JPH3: variants seen among roughly 807,000 people sequenced by gnomAD.
JPH3 encodes the protein junctophilin-3.
Under a neutral mutation model 59.6 loss-of-function variants are expected in JPH3, and 11 were observed. The observed-to-expected ratio is 0.18, with a 90% CI of 0.12 to 0.31. The LOEUF (loss-of-function observed/expected upper bound fraction) is 0.31, where lower values mean the gene tolerates loss of function less well. JPH3 is among the 10% of genes least tolerant of loss of function. The pLI, the probability that JPH3 is intolerant of heterozygous loss-of-function variation, is 1.00. For missense variants in JPH3, 1,202 were observed against 1,105.7 expected, an observed-to-expected ratio of 1.09 and a Z score of -1.24; for synonymous variants, 673 against 483.6, an observed-to-expected ratio of 1.39 and a Z score of -5.14.
intron 2 of JPH3, among the ~76,000 whole-genome samples, chr16:87,648,593 C>T (rs988487844): frequency 3.9e-5 from 6 of 152,006 alleles, no homozygotes; most frequent in Non-Finnish European, 5.9e-5. Context: ...TCCTGGAAAA[C>T]GGGGCGGGAG....
chr16:87,673,035 A>G (rs538764348), intron 2 of JPH3, among the ~76,000 whole-genome samples: 4 of 152,256 alleles, frequency 2.6e-5, no homozygotes, highest in African/African-American at 9.6e-5. Flanking sequence ...AATCCCGGCT[A>G]CTTGGGAGGT....
intron 1 of JPH3, among the ~76,000 whole-genome samples, chr16:87,643,883 TA>T (rs1425257013): frequency 2.0e-5 from 3 of 152,184 alleles, no homozygotes; most frequent in Non-Finnish European, 4.4e-5. Flanking sequence ...CTCATGACTG[TA>T]ATCACAGCAC....
At chr16:87,659,984 C>T (rs963371717) in intron 2 of JPH3, among the ~76,000 whole-genome samples, 3 of 152,156 alleles carry the variant, frequency 2.0e-5, no homozygotes, top group Non-Finnish European at 4.4e-5. Flanking sequence ...TTGAGCTCTG[C>T]TGTGAAGGGG....
At chr16:87,662,570 C>T (rs532901639) in intron 2 of JPH3, among the ~76,000 whole-genome samples, 3 of 152,272 alleles carry the variant, frequency 2.0e-5, no homozygotes, top group South Asian at 4.1e-4. Flanking sequence ...GCGGGAGAAC[C>T]AGGCTTGAGT....
intron 2 of JPH3, among the ~76,000 whole-genome samples, chr16:87,668,302 T>C (rs1375331784): frequency 2.0e-5 from 3 of 152,172 alleles, no homozygotes; most frequent in African/African-American, 7.2e-5. Flanking sequence ...GGTCCATGTT[T>C]GGGGGTTACA....
chr16:87,684,376 A>T (rs2033367243), intron 3 of JPH3, 110 bp downstream of exon 3: 1 of 1,472,448 alleles, frequency 6.8e-7, no homozygotes, highest in Non-Finnish European at 9.1e-7. Flanking sequence ...AGATGGGCTC[A>T]GCCCCAGCTG....
chr16:87,667,158 G>C (rs772794063), intron 2 of JPH3, among the ~76,000 whole-genome samples: 2 of 152,178 alleles, frequency 1.3e-5, no homozygotes, highest in African/African-American at 4.8e-5. Flanking sequence ...TGTCTCCCTC[G>C]TCACGTGGCC....
chr16:87,681,636 T>G (rs1202515770), intron 2 of JPH3, among the ~76,000 whole-genome samples: 2 of 151,054 alleles, frequency 1.3e-5, no homozygotes, highest in African/African-American at 4.9e-5. Flanking sequence ...CGCGCGGTCG[T>G]GACAGTGCCG....
At chr16:87,682,878 C>T (rs2033329325) in intron 2 of JPH3, among the ~76,000 whole-genome samples, 1 of 152,236 alleles carries the variant, frequency 6.6e-6, no homozygotes, top group Non-Finnish European at 1.5e-5. Context: ...GAAATGCAAG[C>T]CCCAGGCTGC....
At chr16:87,650,979 C>G (rs1038117494) in intron 2 of JPH3, among the ~76,000 whole-genome samples, 5 of 152,258 alleles carry the variant, frequency 3.3e-5, no homozygotes, top group Admixed American at 2.6e-4. Context: ...CTAGGACTTT[C>G]ATGCTAGGAA....
chr16:87,654,591 G>C (rs77834992), intron 2 of JPH3: 2,185 of 152,322 alleles, frequency 0.014, 48 homozygotes, highest in African/African-American at 0.049. Flanking sequence ...TCTGCTTCCC[G>C]GTGGCAGCTG....
chr16:87,608,721 A>G (rs766574077), intron 1 of JPH3, among the ~76,000 whole-genome samples: 1 of 152,156 alleles, frequency 6.6e-6, no homozygotes, highest in Non-Finnish European at 1.5e-5. Flanking sequence ...CGGACCCTCC[A>G]GCACACTCAA....
Position 87,642,807 on chromosome 16 carries a change from G to T in JPH3, c.383-1451G>T, listed in dbSNP as rs2031998672. On this transcript the variant is annotated intron_variant, in intron 1 of 4. Transcript: ENST00000284262. ...GACGAGGACACTGAGGGCCAGCGGG[G>T]CCCAGAAACTTCCCTGAGTCACAGC... Among the ~76,000 whole-genome samples, 3 of 152,248 alleles carry T rather than the reference G, an allele frequency of 2.0e-5. No individual in the cohort carries two copies. In the South Asian group the frequency reaches 6.2e-4, roughly 31 times the overall value.
intron 1 of JPH3, among the ~76,000 whole-genome samples, chr16:87,635,572 C>T (rs1299530671): frequency 6.6e-6 from 1 of 152,138 alleles, no homozygotes; most frequent in Admixed American, 6.5e-5. Context: ...GAGCAGGGTC[C>T]CTTGAGCATT....
intron 2 of JPH3, among the ~76,000 whole-genome samples, chr16:87,662,960 C>A (rs2032752527): frequency 1.3e-5 from 2 of 152,178 alleles, no homozygotes; most frequent in Non-Finnish European, 2.9e-5. Flanking sequence ...GTTGGTAAGC[C>A]CTGAGCTCAC....
intron 2 of JPH3, among the ~76,000 whole-genome samples, chr16:87,658,850 C>A (rs1254422953): frequency 2.0e-5 from 3 of 152,254 alleles, no homozygotes; most frequent in Admixed American, 1.3e-4. Context: ...GGTGGGTGGC[C>A]CCCCAGCCCC....
intron 2 of JPH3, among the ~76,000 whole-genome samples, chr16:87,667,922 G>A (rs12446484): frequency 0.15 from 22,305 of 152,056 alleles, 1,824 homozygotes; most frequent in Middle Eastern, 0.21. Flanking sequence ...AGCCTGTGGC[G>A]CGTGCACAGG....
At chr16:87,669,628 C>G (rs2032963560) in intron 2 of JPH3, among the ~76,000 whole-genome samples, 1 of 152,168 alleles carries the variant, frequency 6.6e-6, no homozygotes, top group African/African-American at 2.4e-5. Flanking sequence ...TGGTGAGTTT[C>G]CACAGCAGTG....
intron 4 of JPH3, chr16:87,696,349 A>G: frequency 1.7e-6 from 1 of 581,030 alleles, no homozygotes; most frequent in South Asian, 2.0e-5. Flanking sequence ...AGGGAATTCC[A>G]GGACCAGCAA....
Sources: allele counts gnomAD v4.1 joint callset (sites outside exome capture counted in the v4.1 genomes callset), GRCh38; gene constraint gnomAD v4.1.1; transcripts MANE v1.5; gene names NCBI Gene and HGNC (gene_info 2026-07-23, HGNC 2026-07-21).